The following RASGEF1A variants were observed in gnomAD, a reference collection of about 807,000 sequenced individuals.
RASGEF1A encodes the protein ras-GEF domain-containing family member 1A.
Under a neutral mutation model 56.4 loss-of-function variants are expected in RASGEF1A, and 18 were observed. The observed-to-expected ratio is 0.32, with a 90% CI of 0.22 to 0.47. RASGEF1A has a LOEUF of 0.47. RASGEF1A is among the 20% of genes least tolerant of loss of function. The pLI is 1.00. For synonymous variants in RASGEF1A, 245 were observed against 242.6 expected, an observed-to-expected ratio of 1.01 and a Z score of -0.09; for missense variants, 422 against 627.1, an observed-to-expected ratio of 0.67 and a Z score of 3.49.
At position 43,203,411 on chromosome 10, in the gene RASGEF1A, T is replaced by G; in HGVS notation, c.208A>C (p.Ile70Leu). 6.4e-7 allele frequency: 1 copy of G among 1,567,938 alleles called. No individual in the cohort carries two copies. Among genetic ancestry groups the G allele is most frequent in the Non-Finnish European group, 8.7e-7 (1 of 1,154,816 alleles). The change falls in exon 3 of 13, where the codon ATC becomes CTC. Residue 70 changes from isoleucine to leucine, a missense_variant. Coordinates refer to ENST00000395810, the MANE Select transcript of RASGEF1A (RefSeq NM_145313.4). ...TVDYYPDRTYIFTFLLSSRVF... is the reference protein window; with the variant it reads ...TVDYYPDRTYLFTFLLSSRVF... ...CGGGAGCTCAGGAGAAAGGTGAAGATGTACGTCCTCTGAAGGCAGGAGACG... is the reference window on the plus strand; with the variant it reads ...CGGGAGCTCAGGAGAAAGGTGAAGAGGTACGTCCTCTGAAGGCAGGAGACG...
chr10:43,241,436 T>C (rs1041211175), intron 1 of RASGEF1A, among the ~76,000 whole-genome samples: 1 of 152,216 alleles, frequency 6.6e-6, no homozygotes, highest in Non-Finnish European at 1.5e-5. Flanking sequence ...AGTTTTTGAA[T>C]ACTGTTGCAA....
intron 1 of RASGEF1A, among the ~76,000 whole-genome samples, chr10:43,248,376 A>T (rs1382990195): frequency 1.3e-5 from 2 of 151,796 alleles, no homozygotes; most frequent in Non-Finnish European, 2.9e-5. Context: ...AAAAAAAAAA[A>T]AAAAAAAAAA....
At chr10:43,259,011 CA>C (rs1564545308) in intron 1 of RASGEF1A, among the ~76,000 whole-genome samples, 1 of 152,242 alleles carries the variant, frequency 6.6e-6, no homozygotes, top group South Asian at 2.1e-4. Context: ...CTGGTTCCCC[CA>C]TCTCTGGCCC....
intron 1 of RASGEF1A, among the ~76,000 whole-genome samples, chr10:43,265,703 CTGCCCG>C (rs1336833185): frequency 1.3e-5 from 2 of 152,252 alleles, no homozygotes; most frequent in Non-Finnish European, 2.9e-5. Flanking sequence ...AGCCTGCAGC[CTGCCCG>C]TGGTTCACGA....
intron 1 of RASGEF1A, among the ~76,000 whole-genome samples, chr10:43,223,162 G>A (rs1001299524): frequency 2.0e-5 from 3 of 152,100 alleles, no homozygotes; most frequent in Non-Finnish European, 4.4e-5. Flanking sequence ...ATGCTCTCTG[G>A]ACAGGGGACC....
intron 1 of RASGEF1A, among the ~76,000 whole-genome samples, chr10:43,231,431 T>C (rs1161131595): frequency 1.3e-5 from 2 of 152,204 alleles, no homozygotes; most frequent in Non-Finnish European, 2.9e-5. Context: ...ATGTGAGCAG[T>C]TGGCCCTGCT....
intron 1 of RASGEF1A, chr10:43,208,337 C>T (rs1840024514): frequency 1.0e-6 from 1 of 985,864 alleles, no homozygotes; most frequent in Non-Finnish European, 1.2e-6. Flanking sequence ...AAACTCAGCC[C>T]CAGCCGATCC....
chr10:43,237,135 G>T (rs1323210694), intron 1 of RASGEF1A, among the ~76,000 whole-genome samples: 1 of 152,164 alleles, frequency 6.6e-6, no homozygotes, highest in East Asian at 1.9e-4. Context: ...AGCCTTGTTG[G>T]GGGTCTCATA....
intron 1 of RASGEF1A, among the ~76,000 whole-genome samples, chr10:43,256,815 T>G (rs1230541935): frequency 6.6e-6 from 1 of 152,154 alleles, no homozygotes; most frequent in Non-Finnish European, 1.5e-5. Context: ...CCGACTTTCT[T>G]GCCATTCCCT....
At chr10:43,242,927 G>T (rs915890881) in intron 1 of RASGEF1A, among the ~76,000 whole-genome samples, 2 of 152,232 alleles carry the variant, frequency 1.3e-5, no homozygotes, top group Non-Finnish European at 2.9e-5. Flanking sequence ...AAAGTGCTAA[G>T]ATTACAGCCT....
chr10:43,203,879 G>C (rs985928033), intron 2 of RASGEF1A: 4 of 751,026 alleles, frequency 5.3e-6, no homozygotes, highest in Non-Finnish European at 6.5e-6. Context: ...TCGGGAGCAG[G>C]GCTGATCCAT....
intron 1 of RASGEF1A, among the ~76,000 whole-genome samples, chr10:43,219,712 G>T (rs536304586): frequency 6.6e-6 from 1 of 152,200 alleles, no homozygotes; most frequent in African/African-American, 2.4e-5. Context: ...CAGCCGCGTA[G>T]GCCACACACA....
chr10:43,266,406 G>A (rs973010027), intron 1 of RASGEF1A, among the ~76,000 whole-genome samples: 1 of 152,126 alleles, frequency 6.6e-6, no homozygotes, highest in Non-Finnish European at 1.5e-5. Flanking sequence ...GGCCCAGAAT[G>A]CAGAAGAGCA....
intron 1 of RASGEF1A, among the ~76,000 whole-genome samples, chr10:43,229,071 A>G (rs986860618): frequency 3.9e-5 from 6 of 152,246 alleles, no homozygotes; most frequent in Non-Finnish European, 8.8e-5. Flanking sequence ...CCTCTCCAGG[A>G]CCAGTTCTCC....
At chr10:43,219,937 G>T (rs1840185825) in intron 1 of RASGEF1A, among the ~76,000 whole-genome samples, 1 of 152,284 alleles carries the variant, frequency 6.6e-6, no homozygotes, top group South Asian at 2.1e-4. Context: ...CTCTCTCTGG[G>T]CCAGTCATGG....
At chr10:43,217,250 G>A (rs1840149189) in intron 1 of RASGEF1A, among the ~76,000 whole-genome samples, 1 of 152,202 alleles carries the variant, frequency 6.6e-6, no homozygotes, top group Non-Finnish European at 1.5e-5. Context: ...GTATGGAGCT[G>A]AGAGGAGGAG....
At chr10:43,227,402 C>A (rs1029450140) in intron 1 of RASGEF1A, among the ~76,000 whole-genome samples, 4 of 152,134 alleles carry the variant, frequency 2.6e-5, no homozygotes, top group Admixed American at 6.5e-5. Flanking sequence ...ACCCCCAATG[C>A]ACAGAGGTGG....
intron 1 of RASGEF1A, among the ~76,000 whole-genome samples, chr10:43,262,734 A>G (rs1836557589): frequency 6.6e-6 from 1 of 152,216 alleles, no homozygotes; most frequent in Non-Finnish European, 1.5e-5. Context: ...AAGGCACCCA[A>G]GGAAGGCTGG....
chr10:43,253,049 T>C lies in RASGEF1A; in HGVS notation c.-7+13796A>G, dbSNP rs1840645051. Among the ~76,000 whole-genome samples the C allele has an allele frequency of 5.3e-5, 8 of 152,190 alleles. No individual in the cohort carries two copies. The South Asian group carries it at 1.7e-3, about 31-fold the overall frequency. The stretch of plus-strand genomic sequence containing the variant: ...AAACCCCCATGGTCTCCTCTGTCCA[T>C]GCCCCAGACAAAGGGGCTGTGCACA... On this transcript the variant is annotated intron_variant, in intron 1 of 12. Coordinates refer to ENST00000395810, the MANE Select transcript of RASGEF1A (RefSeq NM_145313.4).
Sources: allele counts gnomAD v4.1 joint callset (sites outside exome capture counted in the v4.1 genomes callset), GRCh38; gene constraint gnomAD v4.1.1; transcripts MANE v1.5; gene names NCBI Gene and HGNC (gene_info 2026-07-23, HGNC 2026-07-21).